RNASEH2B: variants seen among roughly 807,000 people sequenced by gnomAD.
RNASEH2B encodes the protein ribonuclease H2 subunit B.
In RNASEH2B, 36 loss-of-function variants were observed where a neutral mutation model predicts 45.0. The observed-to-expected ratio is 0.80, with a 90% CI of 0.61 to 1.06. RNASEH2B has a LOEUF of 1.06. Among genes scored for constraint, RNASEH2B ranks in the 50% least tolerant of loss-of-function variants. RNASEH2B has a pLI of 0.00. For missense variants in RNASEH2B, 361 were observed against 360.3 expected, an observed-to-expected ratio of 1.00 and a Z score of -0.02; for synonymous variants, 119 against 125.7, an observed-to-expected ratio of 0.95 and a Z score of 0.35.
At chr13:50,929,765 C>T (rs1274211622) in intron 3 of RNASEH2B, among the ~76,000 whole-genome samples, 183 bp downstream of exon 3, 2 of 152,154 alleles carry the variant, frequency 1.3e-5, no homozygotes, top group Non-Finnish European at 2.9e-5. Flanking sequence ...AAGGTTAAGT[C>T]ATCTCCTGTG....
intron 8 of RNASEH2B, 85 bp from the exon 9 acceptor site, chr13:50,949,378 T>A: frequency 2.5e-6 from 3 of 1,195,132 alleles, no homozygotes; most frequent in Non-Finnish European, 3.8e-6. Context: ...AAAGTAGGAC[T>A]TACTAAGTCT....
intron 1 of RNASEH2B, among the ~76,000 whole-genome samples, chr13:50,923,808 A>G (rs539147098): frequency 5.9e-5 from 9 of 152,328 alleles, no homozygotes; most frequent in Admixed American, 3.3e-4. Flanking sequence ...CATTTGGGTG[A>G]TAGATAACTA....
At chr13:50,946,620 G>A (rs759837508) in intron 7 of RNASEH2B, among the ~76,000 whole-genome samples, 1 of 152,098 alleles carries the variant, frequency 6.6e-6, no homozygotes, top group Non-Finnish European at 1.5e-5. Context: ...TAGGAGAAGG[G>A]ATGTTAGAGG....
At position 50,930,674 on chromosome 13, in the gene RNASEH2B, A is replaced by G. The variant is rs748404966; in HGVS notation, c.245-9A>G. 3 of 1,601,170 alleles carry G rather than the reference A, an allele frequency of 1.9e-6. No homozygotes were observed. Among genetic ancestry groups the G allele is most frequent in the South Asian group, 2.2e-5 (2 of 90,832 alleles). ...GTTTAATTCCCTTCATCCTTTTTGTAATCTGCAGGAGGTCTTCTCCATTTT... is the reference window on the plus strand; with the variant it reads ...GTTTAATTCCCTTCATCCTTTTTGTGATCTGCAGGAGGTCTTCTCCATTTT... On this transcript the variant is annotated splice_polypyrimidine_tract_variant and intron_variant, in intron 3 of 10. Transcript: ENST00000336617.
chr13:50,915,147 G>A (rs1879668540), intron 1 of RNASEH2B: 1 of 298,086 alleles, frequency 3.4e-6, no homozygotes, highest in South Asian at 1.6e-4. Context: ...CTGGGACAGA[G>A]TAGATATTTC....
chr13:50,932,249 T>C (rs1951689756), intron 4 of RNASEH2B, among the ~76,000 whole-genome samples: 1 of 152,224 alleles, frequency 6.6e-6, no homozygotes, highest in African/African-American at 2.4e-5. Context: ...CAGCTGGTTC[T>C]GCTTGCAACT....
Position 50,910,038 on chromosome 13 carries a change from CG to C in RNASEH2B, c.-37del. 1 of 1,458,736 alleles carries C rather than the reference CG, an allele frequency of 6.9e-7. No homozygotes were observed. Among genetic ancestry groups the C allele is most frequent in the Non-Finnish European group, 9.0e-7 (1 of 1,106,226 alleles). 90.4% of individuals were successfully genotyped at this position (1,458,736 alleles called of 1,614,324 possible). A position where few individuals can be genotyped will look rare whatever the true frequency, so the allele number is the denominator to read the frequency against. ...GGCGGGGCTGGGAGACTGAGGCCCG[CG>C]GCGCTGAGCCTGCGGCGCCCCGGAA... On this transcript the variant is annotated 5_prime_UTR_variant, in exon 1 of 11. Coordinates refer to ENST00000336617, the MANE Select transcript of RNASEH2B (RefSeq NM_024570.4).
At position 50,930,050 on chromosome 13, in the gene RNASEH2B, C is replaced by T. The variant is rs1055739836; in HGVS notation, c.244+468C>T. On this transcript the variant is annotated intron_variant, in intron 3 of 10. Coordinates refer to ENST00000336617, the MANE Select transcript of RNASEH2B (RefSeq NM_024570.4). ...TCCCCCACCCCCATACACACATACA[C>T]CCCCCAGCACCAAAGTTCTGTTTCT... 9 of 221,008 alleles carry T rather than the reference C, an allele frequency of 4.1e-5. No individual in the cohort carries two copies. The East Asian group carries it at 5.7e-4, about 14-fold the overall frequency. The allele number at this position is 221,008 out of a possible 1,614,324, so 13.7% of individuals were successfully genotyped here. A position where few individuals can be genotyped will look rare whatever the true frequency, so the allele number is the denominator to read the frequency against.
downstream of RNASEH2B, chr13:50,956,854 A>C: frequency 1.8e-6 from 1 of 555,022 alleles, no homozygotes; most frequent in South Asian, 7.1e-5. Context: ...GGATTACAAA[A>C]CTGTGAGGTA....
At chr13:50,956,306 A>G in intron 10 of RNASEH2B, 52 bp from the exon 11 acceptor site, 1 of 1,389,902 alleles carries the variant, frequency 7.2e-7, no homozygotes, top group Admixed American at 1.9e-5. Context: ...TCCATATATG[A>G]TTAATAAATG....
rs191368657 is a variant in RNASEH2B, at chr13:50,948,955, C to G, written c.699-508C>G. The stretch of plus-strand genomic sequence containing the variant: ...CTATGCTGCTTGTCTTGTTAGAGAC[C>G]TCATGTCTTTGTACTCCATTGTTTG... On this transcript the variant is annotated intron_variant, in intron 8 of 10. Coordinates refer to ENST00000336617, the MANE Select transcript of RNASEH2B (RefSeq NM_024570.4). 4.9e-3 allele frequency: 754 copies of G among 154,568 alleles called. 29 individuals are homozygous for G. The highest frequency in any genetic ancestry group is 0.045 in the Admixed American group (695 of 15,552). The allele number at this position is 154,568 out of a possible 1,614,324, so 9.6% of individuals were successfully genotyped here. A position where few individuals can be genotyped will look rare whatever the true frequency, so the allele number is the denominator to read the frequency against.
At chr13:50,915,402 TC>T (rs1451962258) in intron 1 of RNASEH2B, 3 of 398,486 alleles carry the variant, frequency 7.5e-6, no homozygotes, top group African/African-American at 6.2e-5. Flanking sequence ...TTCCTACTTA[TC>T]CTTTAAACCC....
chr13:50,958,108 G>T (rs1419247983), downstream of RNASEH2B, among the ~76,000 whole-genome samples: 1 of 152,072 alleles, frequency 6.6e-6, no homozygotes, highest in Non-Finnish European at 1.5e-5. Flanking sequence ...GCCCCCACTT[G>T]TCAATTTTTA....
At chr13:50,970,314 C>A (rs1236278128) in exon 10 of RNASEH2B, 1 of 482,180 alleles carries the variant, frequency 2.1e-6, no homozygotes, top group African/African-American at 2.0e-5. Flanking sequence ...ACCCTGAAAG[C>A]TTTGGCAAAC....
chr13:50,918,778 A>T (rs1951480943), intron 1 of RNASEH2B, among the ~76,000 whole-genome samples: 1 of 152,214 alleles, frequency 6.6e-6, no homozygotes. Context: ...AACAGGCAGG[A>T]GGGTGCCGGG....
chr13:50,965,180 T>C (rs1009108558), intron 9 of RNASEH2B, among the ~76,000 whole-genome samples: 4 of 152,230 alleles, frequency 2.6e-5, no homozygotes, highest in African/African-American at 9.6e-5. Context: ...TTACCTTTTA[T>C]ATGTTTAAAT....
chr13:50,934,499 T>C (rs1218702863), intron 4 of RNASEH2B: 1 of 280,776 alleles, frequency 3.6e-6, no homozygotes, highest in African/African-American at 2.2e-5. Context: ...CTTGTTCCAA[T>C]GTGACAGTCA....
intron 1 of RNASEH2B, chr13:50,921,320 C>CA (rs1440720909): frequency 6.6e-6 from 1 of 152,154 alleles, no homozygotes; most frequent in East Asian, 1.9e-4. Flanking sequence ...AAGAAATAGA[C>CA]ATAAGTTAAA....
At chr13:50,909,742 C>T (rs975220911), upstream of RNASEH2B, 4 of 230,596 alleles carry the variant, frequency 1.7e-5, no homozygotes, top group Admixed American at 2.4e-4. Flanking sequence ...GGCGACCCCG[C>T]CCCGCTCCGC....
Sources: allele counts gnomAD v4.1 joint callset (sites outside exome capture counted in the v4.1 genomes callset), GRCh38; gene constraint gnomAD v4.1.1; transcripts MANE v1.5; gene names NCBI Gene and HGNC (gene_info 2026-07-23, HGNC 2026-07-21).